Variants in NECTIN3 observed in about 807,000 individuals in gnomAD.
NECTIN3 encodes the protein nectin-3.
Under a neutral mutation model 49.4 loss-of-function variants are expected in NECTIN3, and 8 were observed. The observed-to-expected ratio is 0.16, with a 90% CI of 0.10 to 0.29. The LOEUF (loss-of-function observed/expected upper bound fraction) is 0.29, where lower values mean the gene tolerates loss of function less well. NECTIN3 is among the 10% of genes least tolerant of loss of function. The pLI is 1.00. For synonymous variants in NECTIN3, 277 were observed against 241.1 expected, an observed-to-expected ratio of 1.15 and a Z score of -1.38; for missense variants, 581 against 654.6, an observed-to-expected ratio of 0.89 and a Z score of 1.23.
chr3:111,173,830 C>T (rs912623506), intron 7 of NECTIN3, among the ~76,000 whole-genome samples: 13 of 152,050 alleles, frequency 8.5e-5, no homozygotes, highest in Non-Finnish European at 1.9e-4. Flanking sequence ...CCTGCAGCTT[C>T]TGCATACTTG....
Position 111,136,929 on chromosome 3 carries a change from T to G in NECTIN3, c.*2714T>G. On this transcript the variant is annotated 3_prime_UTR_variant, in exon 6 of 6. Coordinates refer to ENST00000485303, the MANE Select transcript of NECTIN3 (RefSeq NM_015480.3). ...GAGAAGTGCTTTAGAGTTGAAAGAT[T>G]TAGTATTTTACCACGTGCCTAGTAG... The G allele has an allele frequency of 2.1e-6, 2 of 971,488 alleles. No individual in the cohort carries two copies. The highest frequency in any genetic ancestry group is 2.4e-6 in the Non-Finnish European group (2 of 817,452). 60.2% of individuals were successfully genotyped at this position (971,488 alleles called of 1,614,324 possible).
chr3:111,146,634 C>T (rs938354199), intron 6 of NECTIN3, among the ~76,000 whole-genome samples: 1 of 152,078 alleles, frequency 6.6e-6, no homozygotes, highest in Admixed American at 6.5e-5. Flanking sequence ...GAATTTATTA[C>T]TTCAGGATCT....
intron 1 of NECTIN3, among the ~76,000 whole-genome samples, chr3:111,076,975 CAAAA>C (rs200742608): frequency 3.0e-5 from 2 of 65,858 alleles, no homozygotes; most frequent in East Asian, 4.3e-4. Flanking sequence ...GACTCCGTCT[CAAAA>C]AAAAAAAAAA....
intron 1 of NECTIN3, among the ~76,000 whole-genome samples, chr3:111,082,788 A>T (rs2031697194): frequency 1.3e-5 from 2 of 152,210 alleles, no homozygotes; most frequent in South Asian, 4.1e-4. Context: ...TGAAATAATT[A>T]TACAATTCAC....
intron 7 of NECTIN3, among the ~76,000 whole-genome samples, chr3:111,158,999 A>G (rs935340055): frequency 2.6e-5 from 4 of 152,194 alleles, no homozygotes; most frequent in Non-Finnish European, 5.9e-5. Flanking sequence ...TTACTAGTCA[A>G]CAGGTAAATA....
At chr3:111,162,179 A>T (rs537392484) in intron 7 of NECTIN3, among the ~76,000 whole-genome samples, 16 of 152,130 alleles carry the variant, frequency 1.1e-4, no homozygotes, top group Middle Eastern at 6.8e-3. Context: ...GGTTACATAG[A>T]CCTTGAAAAT....
chr3:111,191,137 C>T (rs2107538960), upstream of NECTIN3, among the ~76,000 whole-genome samples: 1 of 152,002 alleles, frequency 6.6e-6, no homozygotes, highest in East Asian at 1.9e-4. Flanking sequence ...ATCTATTTTC[C>T]AGACACTAAA....
At chr3:111,077,552 T>C (rs2031302894) in intron 1 of NECTIN3, among the ~76,000 whole-genome samples, 1 of 150,834 alleles carries the variant, frequency 6.6e-6, no homozygotes, top group South Asian at 2.1e-4. Context: ...TAGGGAATCT[T>C]TTTTGAAGCA....
intron 1 of NECTIN3, among the ~76,000 whole-genome samples, chr3:111,073,986 T>G (rs887760737): frequency 2.0e-5 from 3 of 150,968 alleles, no homozygotes; most frequent in Non-Finnish European, 4.4e-5. Flanking sequence ...TTAAGCAGTG[T>G]AGGCAAATGG....
At chr3:111,182,868 C>T (rs2035650763) in intron 7 of NECTIN3, among the ~76,000 whole-genome samples, 1 of 151,856 alleles carries the variant, frequency 6.6e-6, no homozygotes, top group Non-Finnish European at 1.5e-5. Flanking sequence ...CAGCTTAAGT[C>T]CATCATCTTG....
At chr3:111,107,650 GA>G (rs1349334021) in intron 1 of NECTIN3, among the ~76,000 whole-genome samples, 1 of 152,066 alleles carries the variant, frequency 6.6e-6, no homozygotes, top group African/African-American at 2.4e-5. Flanking sequence ...ATTTCTTCAG[GA>G]CCTTTCTGCT....
intron 7 of NECTIN3, among the ~76,000 whole-genome samples, chr3:111,171,907 G>T (rs921631404): frequency 9.9e-5 from 15 of 152,258 alleles, no homozygotes; most frequent in African/African-American, 3.6e-4. Context: ...AACATTTTAT[G>T]AAATAAAGAA....
At chr3:111,173,185 T>TC (rs1157874967) in intron 7 of NECTIN3, among the ~76,000 whole-genome samples, 2 of 152,224 alleles carry the variant, frequency 1.3e-5, no homozygotes, top group Non-Finnish European at 1.5e-5. Flanking sequence ...ACAAGATGCT[T>TC]CATCTCTGTG....
At chr3:111,191,073 G>A (rs2035805047), upstream of NECTIN3, among the ~76,000 whole-genome samples, 1 of 152,186 alleles carries the variant, frequency 6.6e-6, no homozygotes, top group African/African-American at 2.4e-5. Flanking sequence ...CTTGTTGATA[G>A]ATAATGCCTG....
chr3:111,117,777 T>C (rs2033751631), intron 2 of NECTIN3, among the ~76,000 whole-genome samples: 2 of 151,926 alleles, frequency 1.3e-5, no homozygotes, highest in South Asian at 4.2e-4. Context: ...ATGAAGTCAG[T>C]ACTGAGGAAT....
intron 4 of NECTIN3, among the ~76,000 whole-genome samples, chr3:111,123,330 A>G (rs2034030549): frequency 6.6e-6 from 1 of 151,040 alleles, no homozygotes; most frequent in Non-Finnish European, 1.5e-5. Flanking sequence ...AAGTTCTTTT[A>G]TTTTTTGGTT....
rs931768767 is a variant in NECTIN3 at position 111,136,784 on chromosome 3, A to G, written c.*2569A>G. ...AATTCACTTGAGAGTTTTCTTTCAT[A>G]CTGGTTAAAATATTTCAATGATATA... On this transcript the variant is annotated 3_prime_UTR_variant, in exon 6 of 6. Transcript: ENST00000485303. 6.4e-6 allele frequency: 6 copies of G among 934,308 alleles called. No homozygotes were observed. Among genetic ancestry groups the G allele is most frequent in the African/African-American group, 3.6e-5 (2 of 55,956 alleles). The allele number at this position is 934,308 out of a possible 1,614,324, so 57.9% of individuals were successfully genotyped here. A position where few individuals can be genotyped will look rare whatever the true frequency, so the allele number is the denominator to read the frequency against.
chr3:111,090,894 T>C (rs1379630218), intron 1 of NECTIN3, among the ~76,000 whole-genome samples: 1 of 148,602 alleles, frequency 6.7e-6, no homozygotes. Context: ...TTAAAACCAT[T>C]TGTTTAACTT....
At chr3:111,169,922 A>C (rs566614744) in intron 7 of NECTIN3, among the ~76,000 whole-genome samples, 4 of 152,330 alleles carry the variant, frequency 2.6e-5, no homozygotes, top group Admixed American at 2.6e-4. Context: ...TATGAGAGGA[A>C]AGTATGTTCT....
Sources: gnomAD v4.1 joint callset for allele counts (sites outside exome capture counted in the v4.1 genomes callset) on GRCh38, gnomAD v4.1.1 for gene constraint, MANE v1.5 for transcripts, NCBI Gene and HGNC (gene_info 2026-07-23, HGNC 2026-07-21) for gene names.